Variants in KL observed in about 807,000 individuals in gnomAD.
KL encodes the protein klotho, also known as alpha-klotho.
KL carries 62 observed loss-of-function variants against 84.2 expected under a neutral mutation model. The observed-to-expected ratio is 0.74, with a 90% confidence interval of 0.60 to 0.91. The LOEUF is 0.91. Among genes scored for constraint, KL ranks in the 40% least tolerant of loss-of-function variants. The probability of loss-of-function intolerance (pLI) is 0.00; values close to 1 mark genes in which losing one functional copy is unlikely to be tolerated. For synonymous variants in KL, 528 were observed against 528.0 expected (o/e 1.00, Z 0.00); for missense variants, 1,261 against 1,305.7 (o/e 0.97, Z 0.53).
chr13:33,040,808 T>A (rs897780297), intron 1 of KL, among the ~76,000 whole-genome samples: 1 of 152,184 alleles, frequency 6.6e-6, no homozygotes, highest in African/African-American at 2.4e-5. Flanking sequence ...AAGCTAGACT[T>A]GTGACCTAAA....
At chr13:33,018,205 T>C (rs1870444134) in intron 1 of KL, among the ~76,000 whole-genome samples, 2 of 152,220 alleles carry the variant, frequency 1.3e-5, no homozygotes, top group Non-Finnish European at 2.9e-5. Flanking sequence ...TAAAATATTT[T>C]ATGTACATGT....
At chr13:33,039,653 A>G (rs1180528964) in intron 1 of KL, among the ~76,000 whole-genome samples, 2 of 152,224 alleles carry the variant, frequency 1.3e-5, no homozygotes, top group South Asian at 2.1e-4. Context: ...GGAAGATAGT[A>G]CTAAGAGTAA....
chr13:33,045,310 T>C (rs74045655), intron 1 of KL, among the ~76,000 whole-genome samples: 2 of 152,350 alleles, frequency 1.3e-5, no homozygotes, highest in African/African-American at 2.4e-5. Flanking sequence ...ATAGTTTTAC[T>C]TCTTTTCTAA....
chr13:33,017,979 C>T (rs1031344799), intron 1 of KL, among the ~76,000 whole-genome samples: 5 of 152,202 alleles, frequency 3.3e-5, no homozygotes, highest in African/African-American at 1.2e-4. Flanking sequence ...TCACTTATGA[C>T]ATTGTTAGCC....
intron 3 of KL, among the ~76,000 whole-genome samples, chr13:33,056,639 C>CAA (rs57452305): frequency 0.032 from 4,592 of 144,378 alleles, 100 homozygotes; most frequent in Middle Eastern, 0.056. Context: ...ACTAAAAATA[C>CAA]AAAAAAAAAA....
At chr13:33,051,897 T>A (rs142134857) in intron 1 of KL, among the ~76,000 whole-genome samples, 8 of 152,340 alleles carry the variant, frequency 5.3e-5, no homozygotes, top group Admixed American at 5.2e-4. Flanking sequence ...AGAGGTTAAT[T>A]GCTGAGTACT....
chr13:33,049,053 G>A (rs1278849834), intron 1 of KL, among the ~76,000 whole-genome samples: 1 of 152,100 alleles, frequency 6.6e-6, no homozygotes, highest in Non-Finnish European at 1.5e-5. Context: ...GAAGCAAGGA[G>A]GGCATCACAT....
Position 33,017,224 on chromosome 13 carries a change from C to A in KL, c.784C>A (p.Arg262=), listed in dbSNP as rs928329056. ...RLAPGIRGSP[R]LGYLVAHNLL... ...GGCCCCCGGCATCCGGGGCAGCCCGCGGCTCGGGTACCTGGTGGCGCACAA... is the reference window on the plus strand; with the variant it reads ...GGCCCCCGGCATCCGGGGCAGCCCGAGGCTCGGGTACCTGGTGGCGCACAA... The change falls in exon 1 of 5, where the codon CGG becomes AGG. Residue 262 remains arginine (R), a synonymous_variant. Transcript: ENST00000380099. The A allele has an allele frequency of 1.3e-6, 2 of 1,589,906 alleles. No homozygotes were observed. The highest frequency in any genetic ancestry group is 2.7e-5 in the African/African-American group (2 of 74,808).
intron 1 of KL, among the ~76,000 whole-genome samples, chr13:33,038,272 C>T (rs137858498): frequency 1.7e-3 from 260 of 152,306 alleles, no homozygotes; most frequent in African/African-American, 5.7e-3. Flanking sequence ...ATCCTGTAGC[C>T]TAATTAGGTT....
At chr13:33,062,379 C>CA (rs34867837) in intron 4 of KL, among the ~76,000 whole-genome samples, 47,616 of 141,688 alleles carry the variant, frequency 0.34, 8,004 homozygotes, top group East Asian at 0.45. Flanking sequence ...GACACTATTT[C>CA]AAAAAAAAAA....
At chr13:33,044,654 T>TTTC (rs1448907708) in intron 1 of KL, among the ~76,000 whole-genome samples, 4 of 100,456 alleles carry the variant, frequency 4.0e-5, no homozygotes, top group Non-Finnish European at 8.3e-5. Flanking sequence ...TTTTTTTTTT[T>TTTC]TTTTTTTTTT....
chr13:33,044,635 A>ATTTTTTTTTT (rs1871453892), intron 1 of KL, among the ~76,000 whole-genome samples: 2 of 72,292 alleles, frequency 2.8e-5, no homozygotes, highest in Non-Finnish European at 6.1e-5. Context: ...AATGCAATTG[A>ATTTTTTTTTT]TTTTCTTTTT....
At chr13:33,028,951 G>A (rs1593792294) in intron 1 of KL, among the ~76,000 whole-genome samples, 1 of 151,940 alleles carries the variant, frequency 6.6e-6, no homozygotes, top group Non-Finnish European at 1.5e-5. Flanking sequence ...GTGTGGAGAT[G>A]TAAATTCCAA....
At chr13:33,021,280 ACGTGG>A (rs1196967825) in intron 1 of KL, among the ~76,000 whole-genome samples, 2 of 152,250 alleles carry the variant, frequency 1.3e-5, no homozygotes, top group African/African-American at 4.8e-5. Context: ...GGTAAACATA[ACGTGG>A]CAGACTCTGA....
chr13:33,023,623 T>C (rs1221045606), intron 1 of KL, among the ~76,000 whole-genome samples: 1 of 152,244 alleles, frequency 6.6e-6, no homozygotes, highest in Non-Finnish European at 1.5e-5. Context: ...ATGACTGATA[T>C]AACTTTATAT....
At position 33,061,201 on chromosome 13, in the gene KL, G is replaced by T; in HGVS notation, c.2122G>T (p.Ala708Ser). Residue 708 changes from alanine to serine, a missense_variant, in exon 4 of 5, where the codon GCC (alanine) becomes TCC (serine). Transcript: ENST00000380099. The part of the protein sequence containing the change: ...SAGHNLLKAH[A>S]LAWHVYNEKF... Reference sequence around the variant, plus strand: ...TGGCCACAACCTTCTGAAGGCCCATGCCCTGGCTTGGCATGTGTACAATGA... The same window carrying T: ...TGGCCACAACCTTCTGAAGGCCCATTCCCTGGCTTGGCATGTGTACAATGA... 1 of 1,614,264 alleles carries T rather than the reference G, an allele frequency of 6.2e-7. No homozygotes were observed. The highest frequency in any genetic ancestry group is 8.5e-7 in the Non-Finnish European group (1 of 1,180,058).
intron 1 of KL, among the ~76,000 whole-genome samples, chr13:33,018,793 C>T (rs1465744538): frequency 6.6e-6 from 1 of 152,130 alleles, no homozygotes; most frequent in African/African-American, 2.4e-5. Flanking sequence ...AAAATCTTTA[C>T]TTTAGATTTA....
chr13:33,044,311 G>C (rs1871442828), intron 1 of KL, among the ~76,000 whole-genome samples: 2 of 152,012 alleles, frequency 1.3e-5, no homozygotes, highest in South Asian at 2.1e-4. Flanking sequence ...GCTGTTTTAT[G>C]TTCTTATTGT....
chr13:33,063,980 A>G lies in KL; in HGVS notation c.2833A>G (p.Arg945Gly). 1 of 1,614,190 alleles carries G rather than the reference A, an allele frequency of 6.2e-7. No homozygotes were observed. The highest frequency in any genetic ancestry group is 8.5e-7 in the Non-Finnish European group (1 of 1,180,030). ...FEPKASMKHYRKIIDSNGFPG... is the reference protein window; with the variant it reads ...FEPKASMKHYGKIIDSNGFPG... ...GCCCAAGGCATCCATGAAACATTAC[A>G]GGAAAATTATTGACAGCAATGGTTT... The change falls in exon 5 of 5, where the codon AGG becomes GGG. Residue 945 changes from arginine (R) to glycine (G), a missense_variant. Transcript: ENST00000380099.
Sources: gnomAD v4.1 joint callset for allele counts (sites outside exome capture counted in the v4.1 genomes callset) on GRCh38, gnomAD v4.1.1 for gene constraint, MANE v1.5 for transcripts, NCBI Gene and HGNC (gene_info 2026-07-23, HGNC 2026-07-21) for gene names.